DNAJB8: variants seen among roughly 807,000 people sequenced by gnomAD.
The protein encoded by DNAJB8 is dnaJ homolog subfamily B member 8.
For synonymous variants in DNAJB8, 127 were observed against 127.1 expected (o/e 1.00, Z 0.00); for missense variants, 354 against 318.9 (o/e 1.11, Z -0.84).
At position 128,462,653 on chromosome 3, in the gene DNAJB8, C is replaced by A. The variant is rs925384742; in HGVS notation, c.593G>T (p.Arg198Leu). The stretch of plus-strand genomic sequence containing the variant: ...GCGCTCCTGCCCGTTCTCCACGATG[C>A]GCTTGGTGGTGACCTTGTGGCCATT... Reference protein sequence around the residue: ...MINGHKVTTKRIVENGQERVE... With the variant: ...MINGHKVTTKLIVENGQERVE... The change falls in exon 3 of 3, where the codon CGC becomes CTC. Residue 198 changes from arginine to leucine, a missense_variant. By Grantham distance (102) the Arg-to-Leu change is moderately radical. Transcript: ENST00000319153. 3 of 1,613,916 alleles carry A rather than the reference C, an allele frequency of 1.9e-6. No individual in the cohort carries two copies. The highest frequency in any genetic ancestry group is 1.7e-5 in the Admixed American group (1 of 59,996).
rs770940516 is a variant in DNAJB8, at chr3:128,462,678, T to C, written c.568A>G (p.Asn190Asp). The change falls in exon 3 of 3, where the codon AAT (asparagine) becomes GAT (aspartate). Residue 190 changes from asparagine (N) to aspartate (D), a missense_variant. Transcript: ENST00000319153. ...CGCTTGGTGGTGACCTTGTGGCCAT[T>C]GATCATCTCGGTGGACGACATCACC... ...KSVMSSTEMINGHKVTTKRIV... is the reference protein window; with the variant it reads ...KSVMSSTEMIDGHKVTTKRIV... The C allele has an allele frequency of 3.1e-6, 5 of 1,613,942 alleles. No homozygotes were observed. The highest frequency in any genetic ancestry group is 1.3e-5 in the African/African-American group (1 of 74,918).
intron 1 of DNAJB8, chr3:128,465,752 C>T (rs1333891786): frequency 2.0e-5 from 3 of 152,134 alleles, no homozygotes; most frequent in Non-Finnish European, 4.4e-5. Flanking sequence ...TGGTGATGGT[C>T]ATGCCAGAGG....
intron 2 of DNAJB8, among the ~76,000 whole-genome samples, 190 bp downstream of exon 2, chr3:128,465,086 G>A (rs1050338542): frequency 6.7e-6 from 1 of 148,970 alleles, no homozygotes; most frequent in Non-Finnish European, 1.5e-5. Flanking sequence ...TTTTCTTTCA[G>A]TGCTCATGGG....
In DNAJB8 at chr3:128,463,140, G is replaced by A; in HGVS notation, c.106C>T (p.Pro36Ser). 2 of 1,614,216 alleles carry A rather than the reference G, an allele frequency of 1.2e-6. No individual in the cohort carries two copies. Among genetic ancestry groups the A allele is most frequent in the Non-Finnish European group, 1.7e-6 (2 of 1,180,048 alleles). ...TTCTCCGCCTCCTCCTTATTGTCAGGGTTCTTGTCGGGGTGCCAACGAAGG... is the reference window on the plus strand; with the variant it reads ...TTCTCCGCCTCCTCCTTATTGTCAGAGTTCTTGTCGGGGTGCCAACGAAGG... ...LALRWHPDKNPDNKEEAEKKF... is the reference protein window; with the variant it reads ...LALRWHPDKNSDNKEEAEKKF... The change falls in exon 3 of 3, where the codon CCT (proline) becomes TCT (serine). Residue 36 changes from proline (P) to serine (S), a missense_variant. Transcript: ENST00000319153.
In DNAJB8 at chr3:128,463,199, G is replaced by C. The variant is rs749327384; in HGVS notation, c.47C>G (p.Pro16Arg). 6.2e-7 allele frequency: 1 copy of C among 1,614,118 alleles called. No homozygotes were observed. The highest frequency in any genetic ancestry group is 2.2e-5 in the East Asian group (1 of 44,868). The change falls in exon 3 of 3, where the codon CCG (proline) becomes CGG (arginine). Residue 16 changes from proline (P) to arginine (R), a missense_variant. Pro to Arg is a moderately radical substitution (Grantham distance 103). Transcript: ENST00000319153. ...GCGGTAGGCTTTCTTGATGTCCTCC[G>C]GGGAAGCGCTGGCCTGCACGCCCAG... ...EVLGVQASAS[P>R]EDIKKAYRKL... is the part of the protein sequence containing the mutation.
chr3:128,465,717 G>A (rs182444043), intron 1 of DNAJB8: 77 of 152,642 alleles, frequency 5.0e-4, no homozygotes, highest in African/African-American at 1.8e-3. Flanking sequence ...TTGTGCTTGA[G>A]AGTAATTGAT....
Position 128,463,004 on chromosome 3 carries a change from G to A in DNAJB8, c.242C>T (p.Thr81Met), listed in dbSNP as rs112059249. 1.6e-4 allele frequency: 254 copies of A among 1,614,180 alleles called. No homozygotes were observed. Among genetic ancestry groups the A allele is most frequent in the South Asian group, 7.0e-4 (64 of 91,084 alleles). Residue 81 changes from threonine to methionine, a missense_variant, in exon 3 of 3, where the codon ACG (threonine) becomes ATG (methionine). Physicochemically the swap from Thr to Met is moderately conservative, Grantham distance 81. Transcript: ENST00000319153. ...DSWRAGGGAS[T>M]PYHSPFDTGY... ...GGTGTCGAAGGGGCTGTGGTAGGGC[G>A]TGCTGGCCCCGCCACCAGCCCGCCA...
Sources: allele counts gnomAD v4.1 joint callset (sites outside exome capture counted in the v4.1 genomes callset), GRCh38; gene constraint gnomAD v4.1.1; transcripts MANE v1.5; gene names NCBI Gene and HGNC (gene_info 2026-07-23, HGNC 2026-07-21).